The following GSN variants were observed in gnomAD, a reference collection of about 807,000 sequenced individuals.
GSN encodes the protein gelsolin, also known as actin-depolymerizing factor.
Under a neutral mutation model 85.7 loss-of-function variants are expected in GSN, and 56 were observed. That is an observed-to-expected ratio of 0.65 (90% CI 0.53 to 0.82). GSN has a LOEUF of 0.82. GSN is among the 40% of genes least tolerant of loss of function. The pLI is 0.00. For missense variants in GSN, 857 were observed against 979.8 expected (o/e 0.87, Z 1.67); for synonymous variants, 373 against 399.1 (o/e 0.93, Z 0.78).
chr9:121,242,570 A>T (rs1291535637), intron 5 of GSN, among the ~76,000 whole-genome samples: 10 of 152,184 alleles, frequency 6.6e-5, no homozygotes, highest in African/African-American at 2.4e-4. Context: ...ACTTTTATAA[A>T]ATATATGTTA....
chr9:121,303,764 C>A lies in GSN; in HGVS notation c.351+699C>A, dbSNP rs4837836. ...GTGGGGGTGGCTGGGAAATGCCTTG[C>A]GTGGGGCTTGGCCATCTGGAAGGGC... On this transcript the variant is annotated intron_variant, in intron 4 of 17. Transcript: ENST00000432226. Among the ~76,000 whole-genome samples, 141 of 152,192 alleles carry A rather than the reference C, an allele frequency of 9.3e-4. 1 individual carries two copies. The highest frequency in any genetic ancestry group is 7.1e-3 in the Admixed American group (108 of 15,288).
At chr9:121,286,878 TC>T in intron 2 of GSN, 2 of 832,340 alleles carry the variant, frequency 2.4e-6, no homozygotes, top group South Asian at 1.5e-5. Flanking sequence ...CTTTTGTTCC[TC>T]CGTCTATAAA....
rs554035499 is a variant in GSN at position 121,217,815 on chromosome 9, AT to A, written c.-528+6950del. 9.1e-4 allele frequency among the ~76,000 whole-genome samples: 134 copies of A among 147,984 alleles called. 1 individual carries two copies. The East Asian group carries it at 0.019, about 21-fold the overall frequency. On this transcript the variant is annotated intron_variant, in intron 4 of 24. Transcript: ENST00000373823. ...ATAGAAATGTATTATTATTATTATT[AT>A]TATTATTATTATTATTATTATAACC...
rs1225878495 is a variant in GSN at position 121,331,311 on chromosome 9, C to T, written c.1966-77C>T. ...GGGCTTTGTCTGGTCTGATACCTGG[C>T]CCCTCCCCAGTCTTCCTCCAGCCGT... On this transcript the variant is annotated intron_variant, in intron 16 of 17. Transcript: ENST00000432226. 3.5e-6 allele frequency: 3 copies of T among 852,056 alleles called. No homozygotes were observed. In the East Asian group the frequency reaches 7.8e-5, roughly 22 times the overall value. 52.8% of individuals were successfully genotyped at this position (852,056 alleles called of 1,614,324 possible).
intron 4 of GSN, among the ~76,000 whole-genome samples, chr9:121,215,859 CAT>C (rs1014374297): frequency 4.0e-5 from 6 of 151,720 alleles, no homozygotes; most frequent in African/African-American, 1.5e-4. Flanking sequence ...TTTCAAGTAT[CAT>C]ATAAATTATA....
At position 121,331,585 on chromosome 9, in the gene GSN, T is replaced by C. The variant is rs1216890531; in HGVS notation, c.2026+137T>C. 5 of 643,456 alleles carry C rather than the reference T, an allele frequency of 7.8e-6. No homozygotes were observed. The East Asian group carries it at 1.4e-4, about 18-fold the overall frequency. 39.9% of individuals were successfully genotyped at this position (643,456 alleles called of 1,614,324 possible). A position where few individuals can be genotyped will look rare whatever the true frequency, so the allele number is the denominator to read the frequency against. On this transcript the variant is annotated intron_variant, in intron 17 of 17. Transcript: ENST00000432226. ...AAGATAGGGTGGGGACTTCCTCCTC[T>C]GTGGGCCAGCCCCTCATAAATCCTG...
chr9:121,331,313 C>A, intron 16 of GSN, 75 bp from the exon 17 acceptor site: 2 of 879,244 alleles, frequency 2.3e-6, no homozygotes, highest in East Asian at 2.6e-5. Flanking sequence ...ATACCTGGCC[C>A]CTCCCCAGTC....
At chr9:121,224,160 G>A (rs944120955) in intron 4 of GSN, among the ~76,000 whole-genome samples, 1 of 151,386 alleles carries the variant, frequency 6.6e-6, no homozygotes, top group African/African-American at 2.4e-5. Context: ...GCAGTGGTGC[G>A]ATCTTGGCTC....
intron 2 of GSN, among the ~76,000 whole-genome samples, chr9:121,291,801 T>C (rs1405173657): frequency 6.6e-6 from 1 of 152,176 alleles, no homozygotes; most frequent in Non-Finnish European, 1.5e-5. Flanking sequence ...ATTCTATCCC[T>C]GTGGACACTG....
intron 5 of GSN, chr9:121,311,430 C>T (rs1306097478): frequency 7.9e-5 from 13 of 164,780 alleles, no homozygotes; most frequent in South Asian, 4.9e-4. Context: ...ATATAATGTC[C>T]GTGCAAACAT....
chr9:121,210,944 T>A (rs1161419106), intron 4 of GSN: 2 of 152,162 alleles, frequency 1.3e-5, no homozygotes, highest in African/African-American at 2.4e-5. Context: ...GATGACAAAA[T>A]GTGATACATG....
At chr9:121,312,607 C>T in intron 6 of GSN, 119 bp downstream of exon 6, 1 of 766,146 alleles carries the variant, frequency 1.3e-6, no homozygotes, top group East Asian at 2.9e-5. Flanking sequence ...TCTACCCCAC[C>T]TTTTTATTTT....
upstream of GSN, chr9:121,268,053 G>A (rs527829899): frequency 3.8e-4 from 57 of 151,910 alleles, no homozygotes; most frequent in African/African-American, 1.3e-3. Context: ...GGGAGGGCCT[G>A]GCGCTCCTCC....
Position 121,326,604 on chromosome 9 carries a change from G to C in GSN, c.1509G>C (p.Glu503Asp). 1 of 1,609,950 alleles carries C rather than the reference G, an allele frequency of 6.2e-7. No individual in the cohort carries two copies. Among genetic ancestry groups the C allele is most frequent in the Non-Finnish European group, 8.5e-7 (1 of 1,177,868 alleles). The change falls in exon 13 of 18, where the codon GAG (glutamate) becomes GAC (aspartate). Residue 503 changes from glutamate (E) to aspartate (D), a missense_variant. Transcript: ENST00000432226. ...TCTACAAGGGCGGCACCTCCCGCGA[G>C]GGCGGGCAGACAGCCCCTGCCAGCA... ...MIIYKGGTSR[E>D]GGQTAPASTR...
intron 2 of GSN, chr9:121,282,797 C>G (rs2057550805): frequency 5.2e-6 from 2 of 387,302 alleles, no homozygotes; most frequent in East Asian, 7.8e-5. Flanking sequence ...TGTAATCTGT[C>G]AACAAAAAGA....
Position 121,332,398 on chromosome 9 carries a change from T to A in GSN, c.2027-36T>A, listed in dbSNP as rs1301690469. 1 of 1,601,208 alleles carries A rather than the reference T, an allele frequency of 6.2e-7. No individual in the cohort carries two copies. The highest frequency in any genetic ancestry group is 1.1e-5 in the South Asian group (1 of 90,846). On this transcript the variant is annotated intron_variant, in intron 17 of 17. Transcript: ENST00000432226. This position sits in a 1 kb window ranked among gnomAD's most constrained non-coding sequence, Gnocchi z 4.8. ...CCCTGGTGTGGGAGGCACTAAGAATTCCTGGGGTTTCCTTTTCTTGCACGT... is the reference window on the plus strand; with the variant it reads ...CCCTGGTGTGGGAGGCACTAAGAATACCTGGGGTTTCCTTTTCTTGCACGT...
upstream of GSN, among the ~76,000 whole-genome samples, chr9:121,207,474 A>G (rs1244817793): frequency 1.3e-5 from 2 of 152,220 alleles, no homozygotes; most frequent in Non-Finnish European, 2.9e-5. Flanking sequence ...CTGTAGAGGG[A>G]AACACTATCT....
Position 121,299,596 on chromosome 9 carries a change from C to T in GSN, c.-9-2367C>T. ...GGGCTCGCCGCCGCTCGTGCCTGCG[C>T]CCATTTAGTGTGCACACAGCTAGCG... On this transcript the variant is annotated intron_variant, in intron 2 of 17. Transcript: ENST00000432226. The surrounding 1 kb of genome is among the most constrained non-coding windows in gnomAD (Gnocchi z 4.2). 1 of 555,132 alleles carries T rather than the reference C, an allele frequency of 1.8e-6. No homozygotes were observed. Among genetic ancestry groups the T allele is most frequent in the Non-Finnish European group, 2.3e-6 (1 of 436,752 alleles). 34.4% of individuals were successfully genotyped at this position (555,132 alleles called of 1,614,324 possible).
At chr9:121,323,906 G>A (rs916175174) in intron 11 of GSN, among the ~76,000 whole-genome samples, 4 of 151,972 alleles carry the variant, frequency 2.6e-5, no homozygotes, top group African/African-American at 9.7e-5. Context: ...ACATTCACCT[G>A]GTACAAAATG....
Sources: allele counts gnomAD v4.1 joint callset (sites outside exome capture counted in the v4.1 genomes callset), GRCh38; gene constraint gnomAD v4.1.1; non-coding constraint Gnocchi (gnomAD v3.1); transcripts MANE v1.5; gene names NCBI Gene and HGNC (gene_info 2026-07-23, HGNC 2026-07-21).